IMMP2L: variants seen among roughly 807,000 people sequenced by gnomAD.
IMMP2L encodes the protein inner mitochondrial membrane peptidase subunit 2.
IMMP2L carries 18 observed loss-of-function variants against 19.3 expected under a neutral mutation model. The ratio of observed to expected loss-of-function variants is 0.93; its 90% CI spans 0.64 to 1.38. The LOEUF (loss-of-function observed/expected upper bound fraction) is 1.38, where lower values mean the gene tolerates loss of function less well. Ranked by LOEUF, IMMP2L falls within the 40% of genes most tolerant of loss-of-function variation. IMMP2L has a pLI of 0.00. For missense variants in IMMP2L, 233 were observed against 218.2 expected (o/e 1.07, Z -0.43); for synonymous variants, 76 against 73.0 (o/e 1.04, Z -0.21).
intron 5 of IMMP2L, among the ~76,000 whole-genome samples, chr7:110,773,156 G>A (rs1799150114): frequency 6.6e-6 from 1 of 151,996 alleles, no homozygotes; most frequent in Admixed American, 6.6e-5. Flanking sequence ...CAGAAAAAGT[G>A]GTATTATTAG....
Position 110,996,779 on chromosome 7 carries a change from A to G in IMMP2L, c.240-33214T>C, listed in dbSNP as rs115291841. Among the ~76,000 whole-genome samples, 1,513 of 152,134 alleles carry G rather than the reference A, an allele frequency of 9.9e-3. 22 individuals carry two copies. Among genetic ancestry groups the G allele is most frequent in the African/African-American group, 0.033 (1,388 of 41,506 alleles). ...TATAACCTTCACTCAGTTTCCCCCAATGGTGACATCTTGCCTAGCTGTAGT... is the reference window on the plus strand; with the variant it reads ...TATAACCTTCACTCAGTTTCCCCCAGTGGTGACATCTTGCCTAGCTGTAGT... On this transcript the variant is annotated intron_variant, in intron 3 of 5. Coordinates refer to ENST00000405709, the MANE Select transcript of IMMP2L (RefSeq NM_032549.4).
chr7:110,749,840 T>A (rs1797614261), intron 5 of IMMP2L, among the ~76,000 whole-genome samples: 1 of 152,108 alleles, frequency 6.6e-6, no homozygotes, highest in African/African-American at 2.4e-5. Context: ...GGCACATGTA[T>A]ACCTATGTAA....
chr7:110,668,587 T>G (rs1171166914), intron 5 of IMMP2L, among the ~76,000 whole-genome samples: 1 of 152,070 alleles, frequency 6.6e-6, no homozygotes, highest in African/African-American at 2.4e-5. Flanking sequence ...AGTGATTCAA[T>G]TTTTTTTAAA....
At chr7:111,514,928 T>C (rs1381548534) in intron 2 of IMMP2L, among the ~76,000 whole-genome samples, 2 of 152,094 alleles carry the variant, frequency 1.3e-5, no homozygotes, top group Non-Finnish European at 2.9e-5. Flanking sequence ...GTGATATAAG[T>C]AGTGCTTTGC....
chr7:110,683,294 C>T (rs559295980), intron 5 of IMMP2L, among the ~76,000 whole-genome samples: 6 of 152,066 alleles, frequency 3.9e-5, no homozygotes, highest in South Asian at 4.1e-4. Flanking sequence ...TGGAAATAAA[C>T]GTTGTTACTT....
At position 110,870,333 on chromosome 7, in the gene IMMP2L, G is replaced by A. The variant is rs1808406031; in HGVS notation, c.408+16260C>T. Among the ~76,000 whole-genome samples the A allele has an allele frequency of 6.6e-6, 1 of 152,064 alleles. No individual in the cohort carries two copies. The highest frequency in any genetic ancestry group is 2.4e-5 in the African/African-American group (1 of 41,424). ...TTCTGAACCAGAAGGCATCGCGAGT[G>A]CTAAACTCACTCACAGAACAGAAAT... is the stretch of plus-strand genomic sequence containing the variant. On this transcript the variant is annotated intron_variant, in intron 5 of 5. Transcript: ENST00000405709. The surrounding 1 kb of genome is among the most constrained non-coding windows in gnomAD (Gnocchi z 4.2).
chr7:110,854,460 G>C (rs1563027244), intron 5 of IMMP2L, among the ~76,000 whole-genome samples: 1 of 151,728 alleles, frequency 6.6e-6, no homozygotes, highest in Admixed American at 6.6e-5. Flanking sequence ...CATTAAGTAA[G>C]TTTCACTCTG....
chr7:111,389,003 T>C (rs905929123), intron 3 of IMMP2L, among the ~76,000 whole-genome samples: 2 of 152,108 alleles, frequency 1.3e-5, no homozygotes, highest in Non-Finnish European at 2.9e-5. Context: ...AGAGCAATCT[T>C]AGACCCAGTA....
chr7:111,322,925 A>G (rs1824893277), intron 3 of IMMP2L, among the ~76,000 whole-genome samples: 1 of 151,710 alleles, frequency 6.6e-6, no homozygotes, highest in Non-Finnish European at 1.5e-5. Context: ...AAATACTTAC[A>G]TAATTTTTTT....
At chr7:111,162,444 T>C (rs1270750040) in intron 3 of IMMP2L, among the ~76,000 whole-genome samples, 3 of 152,056 alleles carry the variant, frequency 2.0e-5, no homozygotes, top group African/African-American at 7.2e-5. Flanking sequence ...ACTTTTTAAA[T>C]GACAATAAGT....
chr7:111,318,565 T>C (rs1824352161), intron 3 of IMMP2L, among the ~76,000 whole-genome samples: 1 of 152,056 alleles, frequency 6.6e-6, no homozygotes, highest in Non-Finnish European at 1.5e-5. Context: ...CAAAAGTAAT[T>C]AATTCCAAAA....
In IMMP2L at chr7:111,377,701, T is replaced by A. The variant is rs115960007; in HGVS notation, c.239+109537A>T. ...TTTATCTAATAAATCCTCTTCTTAT[T>A]TTGCTTAGATAATCTCTGAGTTTAG... On this transcript the variant is annotated intron_variant, in intron 3 of 5. Coordinates refer to ENST00000405709, the MANE Select transcript of IMMP2L (RefSeq NM_032549.4). Among the ~76,000 whole-genome samples, 538 of 152,126 alleles carry A rather than the reference T, an allele frequency of 3.5e-3. 3 individuals are homozygous for A. The highest frequency in any genetic ancestry group is 0.012 in the African/African-American group (499 of 41,520).
At chr7:111,497,008 AAAGC>A (rs774974454) in intron 2 of IMMP2L, among the ~76,000 whole-genome samples, 8 of 152,118 alleles carry the variant, frequency 5.3e-5, no homozygotes, top group Admixed American at 3.3e-4. Context: ...TTTTCTTTTA[AAAGC>A]AAGCCTGTAA....
chr7:111,283,040 T>C (rs900769802), intron 3 of IMMP2L, among the ~76,000 whole-genome samples: 58 of 152,262 alleles, frequency 3.8e-4, no homozygotes, highest in Middle Eastern at 3.4e-3. Context: ...CAAGCACATG[T>C]GGAACACTGC....
chr7:110,817,262 A>C (rs191280845), intron 5 of IMMP2L, among the ~76,000 whole-genome samples: 4 of 152,268 alleles, frequency 2.6e-5, no homozygotes, highest in Admixed American at 1.3e-4. Flanking sequence ...ACTTCAGCAA[A>C]GTCTCAGGAT....
chr7:110,893,003 A>G lies in IMMP2L; in HGVS notation c.306-6308T>C, dbSNP rs368961001. 4.6e-5 allele frequency among the ~76,000 whole-genome samples: 7 copies of G among 152,252 alleles called. No homozygotes were observed. The South Asian group carries it at 1.2e-3, about 27-fold the overall frequency. ...AGTTTTGCCTTTTCTAGAATTTTAC[A>G]TACAGGCATACGTTCAATATATTGT... On this transcript the variant is annotated intron_variant, in intron 4 of 5. Transcript: ENST00000405709.
intron 3 of IMMP2L, among the ~76,000 whole-genome samples, chr7:111,098,923 T>A (rs1797679440): frequency 6.6e-6 from 1 of 151,888 alleles, no homozygotes; most frequent in Admixed American, 6.6e-5. Flanking sequence ...AGTAACTCTG[T>A]TTCTAGTTTC....
At chr7:110,863,778 T>C (rs1190634410) in intron 5 of IMMP2L, among the ~76,000 whole-genome samples, 1 of 152,144 alleles carries the variant, frequency 6.6e-6, no homozygotes, top group African/African-American at 2.4e-5. Flanking sequence ...GTATTTTGAA[T>C]GTATTTCAAT....
intron 3 of IMMP2L, among the ~76,000 whole-genome samples, chr7:110,998,169 T>A (rs952196818): frequency 1.3e-5 from 2 of 152,170 alleles, no homozygotes; most frequent in African/African-American, 4.8e-5. Flanking sequence ...CCTCTTCCAG[T>A]ATGACCTGAA....
Sources: gnomAD v4.1 joint callset for allele counts (sites outside exome capture counted in the v4.1 genomes callset) on GRCh38, gnomAD v4.1.1 for gene constraint, Gnocchi (gnomAD v3.1) non-coding constraint, MANE v1.5 for transcripts, NCBI Gene and HGNC (gene_info 2026-07-23, HGNC 2026-07-21) for gene names.